RYR1: variants seen among roughly 807,000 people sequenced by gnomAD.
The protein encoded by RYR1 is central core disease of muscle.
A neutral mutation model predicts 583.5 loss-of-function variants in RYR1; 342 were observed. The ratio of observed to expected loss-of-function variants is 0.59; its 90% CI spans 0.54 to 0.64. The LOEUF (loss-of-function observed/expected upper bound fraction) is 0.64, where lower values mean the gene tolerates loss of function less well. RYR1 is among the 30% of genes least tolerant of loss of function. The probability of loss-of-function intolerance (pLI) is 0.00; values close to 1 mark genes in which losing one functional copy is unlikely to be tolerated. For synonymous variants in RYR1, 2,791 were observed against 2,822.5 expected (o/e 0.99, Z 0.35); for missense variants, 6,032 against 6,917.2 (o/e 0.87, Z 4.54).
At chr19:38,475,553 A>C in intron 29 of RYR1, 103 bp downstream of exon 29, 1 of 1,402,784 alleles carries the variant, frequency 7.1e-7, no homozygotes, top group Non-Finnish European at 9.9e-7. Context: ...CCCACCTTAC[A>C]CTGGGGACTC....
At chr19:38,528,873 C>G in intron 75 of RYR1, 78 bp from the exon 76 acceptor site, 1 of 1,541,456 alleles carries the variant, frequency 6.5e-7, no homozygotes, top group Non-Finnish European at 8.9e-7. Flanking sequence ...AAAAAAAATC[C>G]AGACCAACAG....
Position 38,550,107 on chromosome 19 carries a change from C to T in RYR1, c.12282+1687C>T, listed in dbSNP as rs373097082. 8.8e-4 allele frequency among the ~76,000 whole-genome samples: 134 copies of T among 152,198 alleles called. 2 individuals are homozygous for T. Among genetic ancestry groups the T allele is most frequent in the African/African-American group, 3.1e-3 (130 of 41,524 alleles). On this transcript the variant is annotated intron_variant, in intron 89 of 105. Transcript: ENST00000359596. ...AGCGTGTATCTCCTGAGAACAAATT[C>T]ATTCTCCTACCTAAGCACAGGACAA... is the stretch of plus-strand genomic sequence containing the variant.
At position 38,567,863 on chromosome 19, in the gene RYR1, G is replaced by C. The variant is rs779198972; in HGVS notation, c.13605G>C (p.Glu4535Asp). The C allele has an allele frequency of 6.2e-6, 10 of 1,614,082 alleles. No individual in the cohort carries two copies. The highest frequency in any genetic ancestry group is 8.5e-6 in the Non-Finnish European group (10 of 1,180,020). The change falls in exon 93 of 106, where the codon GAG becomes GAC. Residue 4535 changes from glutamate (E) to aspartate (D), a missense_variant. Transcript: ENST00000359596. ...QAPPSPPPKK[E>D]EAGGEFWGEL... ...CTCCCTCACCCCCTCCAAAGAAGGA[G>C]GAAGCTGGAGGCGAATTCTGGGGAG...
intron 63 of RYR1, 46 bp from the exon 64 acceptor site, chr19:38,514,980 T>C: frequency 2.9e-6 from 4 of 1,392,244 alleles, no homozygotes; most frequent in Non-Finnish European, 4.1e-6. Flanking sequence ...TGGGGAGGGC[T>C]TGTCTTGTGA....
At chr19:38,582,718 T>C (rs983908423) in intron 101 of RYR1, among the ~76,000 whole-genome samples, 2 of 152,158 alleles carry the variant, frequency 1.3e-5, no homozygotes, top group Admixed American at 6.6e-5. Flanking sequence ...TTCTCTTCTA[T>C]TCTAATAATG....
intron 29 of RYR1, among the ~76,000 whole-genome samples, chr19:38,477,067 AAAG>A (rs200369670): frequency 0.019 from 2,895 of 152,142 alleles, 83 homozygotes; most frequent in African/African-American, 0.065. Flanking sequence ...GAAAGAAAAA[AAAG>A]AAGAAGAAGA....
rs77439720 is a variant in RYR1 at position 38,462,340 on chromosome 19, G to C, written c.2578-1083G>C. ...GATTAAACAGTAAGCACTCAAGACA[G>C]TCACTCATTATTAGTAGCAGTGATA... is the stretch of plus-strand genomic sequence containing the variant. On this transcript the variant is annotated intron_variant, in intron 20 of 105. Transcript: ENST00000359596. 3.2e-3 allele frequency among the ~76,000 whole-genome samples: 493 copies of C among 152,284 alleles called. 4 individuals are homozygous for C. Among genetic ancestry groups the C allele is most frequent in the African/African-American group, 0.011 (472 of 41,558 alleles).
At chr19:38,478,678 G>A in intron 31 of RYR1, 78 bp downstream of exon 31, 5 of 1,541,548 alleles carry the variant, frequency 3.2e-6, no homozygotes, top group Non-Finnish European at 4.4e-6. Flanking sequence ...TGTCCCCTGA[G>A]GCCAGACCTC....
rs1333016848 is a variant in RYR1, at chr19:38,490,651, A to G, written c.6046A>G (p.Thr2016Ala). ...TATGCTATTGCAATTCAAAGATGGTACAGATGAGGAAGACTGTCCTCTCCC... is the reference window on the plus strand; with the variant it reads ...TATGCTATTGCAATTCAAAGATGGTGCAGATGAGGAAGACTGTCCTCTCCC... Reference protein sequence around the residue: ...INMLLQFKDGTDEEDCPLPEE... With the variant: ...INMLLQFKDGADEEDCPLPEE... Residue 2016 changes from threonine to alanine, a missense_variant, in exon 37 of 106, where the codon ACA becomes GCA. Thr to Ala is a moderately conservative substitution (Grantham distance 58). Around this residue, in one of 11 missense-constraint regions of RYR1, gnomAD observed 2,627 missense variants for 2,961.3 expected, o/e 0.89. Transcript: ENST00000359596. 1 of 1,613,318 alleles carries G rather than the reference A, an allele frequency of 6.2e-7. No homozygotes were observed. Among genetic ancestry groups the G allele is most frequent in the Non-Finnish European group, 8.5e-7 (1 of 1,179,220 alleles).
Position 38,534,738 on chromosome 19 carries a change from C to T in RYR1, c.11278C>T (p.Gln3760Ter). The change falls in exon 79 of 106, where the codon CAG (glutamine) becomes TAG (stop). Residue 3760 changes from glutamine (Q) to a stop codon, truncating the protein, a stop_gained. Coordinates refer to ENST00000359596, the MANE Select transcript of RYR1 (RefSeq NM_000540.3). LOFTEE classifies it high-confidence loss of function. ...VSFEEKQMEK[Q>*]RLLYQQARLH... ...TTCCCAGGAGAAACAGATGGAGAAG[C>T]AGAGGCTCTTGTACCAGCAAGCACG... The T allele has an allele frequency of 6.2e-7, 1 of 1,614,026 alleles. No individual in the cohort carries two copies. The highest frequency in any genetic ancestry group is 8.5e-7 in the Non-Finnish European group (1 of 1,179,988).
intron 42 of RYR1, among the ~76,000 whole-genome samples, chr19:38,497,470 C>T (rs907795569): frequency 2.6e-5 from 4 of 152,224 alleles, no homozygotes; most frequent in African/African-American, 7.2e-5. Context: ...GGATAAGTGA[C>T]TTAGACTCTC....
chr19:38,523,216 G>A lies in RYR1; in HGVS notation c.10348-1G>A. The A allele has an allele frequency of 6.2e-7, 1 of 1,614,204 alleles. No homozygotes were observed. Among genetic ancestry groups the A allele is most frequent in the Non-Finnish European group, 8.5e-7 (1 of 1,180,036 alleles). Reference sequence around the variant, plus strand: ...GTCTGCAACACTGCTTCCCCCACCAGAACTTCAAGCGCGAGGAGCAGAACT... The same window carrying A: ...GTCTGCAACACTGCTTCCCCCACCAAAACTTCAAGCGCGAGGAGCAGAACT... On this transcript the variant is annotated splice_acceptor_variant, in intron 68 of 105. Coordinates refer to ENST00000359596, the MANE Select transcript of RYR1 (RefSeq NM_000540.3). LOFTEE classifies it high-confidence loss of function.
Position 38,519,205 on chromosome 19 carries a change from C to A in RYR1, c.10019-9C>A. On this transcript the variant is annotated splice_polypyrimidine_tract_variant and intron_variant, in intron 66 of 105. Coordinates refer to ENST00000359596, the MANE Select transcript of RYR1 (RefSeq NM_000540.3). ...GGAGGTGGCATCAGAGCCCATCGCA[C>A]CCCTGCAGTGTTCGCACAGCCCATT... The A allele has an allele frequency of 6.2e-7, 1 of 1,614,102 alleles. No individual in the cohort carries two copies. The highest frequency in any genetic ancestry group is 8.5e-7 in the Non-Finnish European group (1 of 1,180,008).
chr19:38,469,781 T>A (rs1039269603), intron 27 of RYR1, among the ~76,000 whole-genome samples: 1 of 151,616 alleles, frequency 6.6e-6, no homozygotes, highest in Non-Finnish European at 1.5e-5. Context: ...TAAAAAAAAA[T>A]TAAGTCTAGG....
intron 2 of RYR1, among the ~76,000 whole-genome samples, chr19:38,441,953 T>C (rs906545146): frequency 6.7e-6 from 1 of 150,088 alleles, no homozygotes; most frequent in Non-Finnish European, 1.5e-5. Flanking sequence ...TGGAGGGATG[T>C]GGGGTCATCT....
chr19:38,468,413 T>A, intron 25 of RYR1, among the ~76,000 whole-genome samples: 1 of 152,186 alleles, frequency 6.6e-6, no homozygotes, highest in East Asian at 1.9e-4. Context: ...TATACAACCA[T>A]CCTTCCCTTC....
intron 93 of RYR1, among the ~76,000 whole-genome samples, chr19:38,568,180 CCACA>C: frequency 6.6e-6 from 1 of 152,184 alleles, no homozygotes. Flanking sequence ...GGCCACCCAC[CCACA>C]CTTCCACCTC....
chr19:38,506,158 G>A (rs1175845378), intron 54 of RYR1, 145 bp from the exon 55 acceptor site: 18 of 1,040,826 alleles, frequency 1.7e-5, no homozygotes, highest in African/African-American at 3.2e-5. Flanking sequence ...GTGGTTTAGA[G>A]ACAGGGCCTT....
chr19:38,473,526 G>A lies in RYR1; in HGVS notation c.3915G>A (p.Gly1305=). 6.2e-7 allele frequency: 1 copy of A among 1,612,004 alleles called. No homozygotes were observed. The highest frequency in any genetic ancestry group is 8.5e-7 in the Non-Finnish European group (1 of 1,179,338). Residue 1305 remains glycine (G), a synonymous_variant, in exon 28 of 106, where the codon GGG becomes GGA. Transcript: ENST00000359596. ...ACCAGCACTTCCGCTGCACTGCAGGGGCCACCCCGCTGGCACCTCCTGGCC... is the reference window on the plus strand; with the variant it reads ...ACCAGCACTTCCGCTGCACTGCAGGAGCCACCCCGCTGGCACCTCCTGGCC... ...QFHQHFRCTA[G]ATPLAPPGLQ...
Sources: gnomAD v4.1 joint callset for allele counts (sites outside exome capture counted in the v4.1 genomes callset) on GRCh38, gnomAD v4.1.1 for gene constraint, gnomAD v4.1.1 regional missense constraint, MANE v1.5 for transcripts, NCBI Gene and HGNC (gene_info 2026-07-23, HGNC 2026-07-21) for gene names.